RANBP17: variants seen among roughly 807,000 people sequenced by gnomAD.
RANBP17 encodes the protein RAN binding protein 17.
In RANBP17, 158 loss-of-function variants were observed where a neutral mutation model predicts 141.2. The ratio of observed to expected loss-of-function variants is 1.12; its 90% CI spans 0.98 to 1.28. The LOEUF is 1.28. RANBP17 is among the 50% of genes most tolerant of loss of function. The pLI, the probability that RANBP17 is intolerant of heterozygous loss-of-function variation, is 0.00. For missense variants in RANBP17, 1,438 were observed against 1,290.7 expected, an observed-to-expected ratio of 1.11 and a Z score of -1.75; for synonymous variants, 430 against 450.0, an observed-to-expected ratio of 0.96 and a Z score of 0.56.
intron 12 of RANBP17, among the ~76,000 whole-genome samples, chr5:170,928,210 T>C (rs1773081849): frequency 1.3e-5 from 2 of 152,252 alleles, no homozygotes; most frequent in Non-Finnish European, 1.5e-5. Context: ...CTCTTTTGTA[T>C]GTGTTAGGGA....
intron 19 of RANBP17, among the ~76,000 whole-genome samples, chr5:171,200,265 C>T (rs565547220): frequency 2.1e-4 from 32 of 152,192 alleles, no homozygotes; most frequent in Middle Eastern, 3.4e-3. Context: ...CATTCTTAAA[C>T]GGAACAAAGT....
chr5:171,244,012 C>T (rs1374747801), intron 24 of RANBP17, among the ~76,000 whole-genome samples: 1 of 152,048 alleles, frequency 6.6e-6, no homozygotes, highest in Admixed American at 6.5e-5. Context: ...CAGATGCACC[C>T]AGGAGGCAGA....
chr5:171,278,636 A>C (rs1767674274), intron 25 of RANBP17, among the ~76,000 whole-genome samples: 2 of 152,200 alleles, frequency 1.3e-5, no homozygotes, highest in Non-Finnish European at 2.9e-5. Flanking sequence ...GAGAAAAAAG[A>C]AGCAGACATG....
rs1230280907 is a variant in RANBP17 at position 171,265,956 on chromosome 5, T to TA, written c.2943+115dup. The TA allele has an allele frequency of 1.9e-5, 16 of 827,650 alleles. No homozygotes were observed. The Middle Eastern group carries it at 1.8e-3, about 95-fold the overall frequency. The allele number at this position is 827,650 out of a possible 1,614,324, so 51.3% of individuals were successfully genotyped here. Reference sequence around the variant, plus strand: ...GTCTTGCCAAGACTTTTTATACTGGTAAAAAATATATATATATATTGTCTG... The same window carrying TA: ...GTCTTGCCAAGACTTTTTATACTGGTAAAAAAATATATATATATATTGTCTG... On this transcript the variant is annotated intron_variant, in intron 25 of 27. Transcript: ENST00000523189.
At chr5:171,054,143 A>G (rs986318182) in intron 14 of RANBP17, among the ~76,000 whole-genome samples, 1 of 151,878 alleles carries the variant, frequency 6.6e-6, no homozygotes, top group African/African-American at 2.4e-5. Context: ...CTTTGGATCT[A>G]AAGTGAGTCT....
intron 18 of RANBP17, among the ~76,000 whole-genome samples, chr5:171,184,616 GT>G (rs1485639980): frequency 1.3e-5 from 2 of 152,012 alleles, no homozygotes; most frequent in Non-Finnish European, 2.9e-5. Context: ...GATGTTAAGG[GT>G]TCTCACCACA....
chr5:171,090,480 G>T (rs1297433533), intron 14 of RANBP17, among the ~76,000 whole-genome samples: 1 of 152,292 alleles, frequency 6.6e-6, no homozygotes, highest in East Asian at 1.9e-4. Context: ...TGGAAAATTT[G>T]CAGCCTGACA....
intron 14 of RANBP17, among the ~76,000 whole-genome samples, chr5:171,046,689 G>A (rs1202132996): frequency 2.0e-5 from 3 of 151,714 alleles, no homozygotes; most frequent in Non-Finnish European, 4.4e-5. Context: ...AGCAGTTGCT[G>A]GATGAAAAAA....
At chr5:171,025,818 C>T (rs1781199214) in intron 14 of RANBP17, among the ~76,000 whole-genome samples, 1 of 152,060 alleles carries the variant, frequency 6.6e-6, no homozygotes, top group African/African-American at 2.4e-5. Context: ...GAACTCCTAG[C>T]CTCAAGTGAT....
At chr5:170,896,453 C>CT (rs1342301555) in intron 5 of RANBP17, among the ~76,000 whole-genome samples, 2 of 152,114 alleles carry the variant, frequency 1.3e-5, no homozygotes, top group African/African-American at 4.8e-5. Flanking sequence ...AGAAACAAAC[C>CT]TTTATTCACT....
In RANBP17 at chr5:171,183,995, G is replaced by C. The variant is rs542395145; in HGVS notation, c.2038+565G>C. ...TGATCATGTATGTTGGGGATGGGGG[G>C]ACAATACTTCAGAAAAGGCTTAAGT... On this transcript the variant is annotated intron_variant, in intron 18 of 27. Coordinates refer to ENST00000523189, the MANE Select transcript of RANBP17 (RefSeq NM_022897.5). Among the ~76,000 whole-genome samples the C allele has an allele frequency of 1.1e-4, 16 of 152,244 alleles. No individual in the cohort carries two copies. The East Asian group carries it at 3.1e-3, about 29-fold the overall frequency.
At chr5:171,263,965 G>A (rs1164325294) in intron 24 of RANBP17, among the ~76,000 whole-genome samples, 1 of 152,168 alleles carries the variant, frequency 6.6e-6, no homozygotes, top group Non-Finnish European at 1.5e-5. Context: ...GGGAGGCTGA[G>A]GTGGGAGGAT....
intron 12 of RANBP17, among the ~76,000 whole-genome samples, chr5:170,937,353 T>TG (rs1773966333): frequency 6.6e-6 from 1 of 152,180 alleles, no homozygotes; most frequent in Non-Finnish European, 1.5e-5. Context: ...TATTTTCATT[T>TG]GGGGTGTAAC....
chr5:171,147,523 C>A (rs1388221895), intron 14 of RANBP17, among the ~76,000 whole-genome samples: 1 of 150,952 alleles, frequency 6.6e-6, no homozygotes, highest in Non-Finnish European at 1.5e-5. Context: ...TCAAGCAATT[C>A]TCCTGCCTCA....
intron 1 of RANBP17, among the ~76,000 whole-genome samples, chr5:170,870,442 T>A (rs1018631700): frequency 6.6e-6 from 1 of 152,064 alleles, no homozygotes; most frequent in African/African-American, 2.4e-5. Flanking sequence ...ATTGTTTGGC[T>A]TCCACTTATG....
intron 21 of RANBP17, among the ~76,000 whole-genome samples, chr5:171,216,052 G>T (rs889410420): frequency 6.6e-6 from 1 of 152,160 alleles, no homozygotes; most frequent in African/African-American, 2.4e-5. Flanking sequence ...TTACGTTTAA[G>T]TCTTTTATCC....
intron 14 of RANBP17, among the ~76,000 whole-genome samples, chr5:170,981,480 C>T (rs946373296): frequency 2.4e-4 from 36 of 151,786 alleles, no homozygotes; most frequent in African/African-American, 8.5e-4. Flanking sequence ...GGAAGCAGGT[C>T]TTTCCCCTGC....
intron 12 of RANBP17, among the ~76,000 whole-genome samples, chr5:170,941,675 C>T: frequency 6.6e-6 from 1 of 152,090 alleles, no homozygotes; most frequent in East Asian, 1.9e-4. Context: ...GGTGCATATA[C>T]AAAAAACCCA....
At chr5:170,871,711 G>A (rs1396537041) in intron 1 of RANBP17, among the ~76,000 whole-genome samples, 4 of 152,100 alleles carry the variant, frequency 2.6e-5, no homozygotes, top group Non-Finnish European at 5.9e-5. Flanking sequence ...TGTAAGAAAG[G>A]GGCCCAGTTA....
Sources: allele counts gnomAD v4.1 joint callset (sites outside exome capture counted in the v4.1 genomes callset), GRCh38; gene constraint gnomAD v4.1.1; transcripts MANE v1.5; gene names NCBI Gene and HGNC (gene_info 2026-07-23, HGNC 2026-07-21).